ANO7: variants seen among roughly 807,000 people sequenced by gnomAD.
ANO7 encodes anoctamin 7.
ANO7 carries 114 observed loss-of-function variants against 115.8 expected under a neutral mutation model. The observed-to-expected ratio is 0.98, with a 90% CI of 0.85 to 1.15. The LOEUF (loss-of-function observed/expected upper bound fraction) is 1.15, where lower values mean the gene tolerates loss of function less well. Among genes scored for constraint, ANO7 ranks in the 50% most tolerant of loss-of-function variants. ANO7 has a pLI of 0.00. For synonymous variants in ANO7, 550 were observed against 498.2 expected (o/e 1.10, Z -1.38); for missense variants, 1,302 against 1,201.2 (o/e 1.08, Z -1.24).
At chr2:241,234,700 T>TG in the ANO7 span, among the ~76,000 whole-genome samples, 25 of 152,250 alleles carry the variant, frequency 1.6e-4, no homozygotes, top group South Asian at 4.4e-3. Context: ...TGCCAGAGGT[T>TG]GGGGGGGTTT....
chr2:241,198,626 C>T (rs562423262), intron 4 of ANO7, among the ~76,000 whole-genome samples: 19 of 152,340 alleles, frequency 1.2e-4, no homozygotes, highest in East Asian at 9.7e-4. Flanking sequence ...TGTTCCACTT[C>T]GCCCAAGGTG....
At chr2:241,214,385 C>T (rs1306960385) in intron 17 of ANO7, among the ~76,000 whole-genome samples, 2 of 152,148 alleles carry the variant, frequency 1.3e-5, no homozygotes, top group Non-Finnish European at 2.9e-5. Context: ...GCAGTGCGGC[C>T]GACACTCTCG....
Position 241,223,976 on chromosome 2 carries a change from GC to G in ANO7, c.2583+25del, listed in dbSNP as rs1240499314. On this transcript the variant is annotated intron_variant, in intron 24 of 24. Transcript: ENST00000674324. ...CAGAGGCAAGTCTGGGAGCAGCCAGGCCCCTGCCCCGTGCACTCCCTGAGGT... is the reference window on the plus strand; with the variant it reads ...CAGAGGCAAGTCTGGGAGCAGCCAGGCCCTGCCCCGTGCACTCCCTGAGGT... The G allele has an allele frequency of 1.9e-6, 3 of 1,613,884 alleles. No individual in the cohort carries two copies. The African/African-American group carries it at 4.0e-5, about 22-fold the overall frequency.
chr2:241,223,416 C>A, intron 22 of ANO7, 140 bp downstream of exon 22: 1 of 1,114,296 alleles, frequency 9.0e-7, no homozygotes, highest in South Asian at 1.3e-5. Context: ...CTCTTCTCTG[C>A]ACCTGCGTTT....
chr2:241,222,949 G>C (rs926653607), intron 21 of ANO7, among the ~76,000 whole-genome samples: 1 of 152,170 alleles, frequency 6.6e-6, no homozygotes, highest in Non-Finnish European at 1.5e-5. Flanking sequence ...GTCCAGTTTA[G>C]CCCAATGGGG....
intron 19 of ANO7, among the ~76,000 whole-genome samples, chr2:241,216,711 A>C (rs2068836980): frequency 6.6e-6 from 1 of 152,254 alleles, no homozygotes; most frequent in Non-Finnish European, 1.5e-5. Flanking sequence ...CCAGGGGCTC[A>C]CTGCCTGCAC....
At chr2:241,200,310 C>T (rs2068439707) in intron 6 of ANO7, 85 bp downstream of exon 6, 2 of 1,518,108 alleles carry the variant, frequency 1.3e-6, no homozygotes, top group African/African-American at 1.4e-5. Context: ...GGTGCTTCCC[C>T]AGGACTCTCC....
At chr2:241,240,139 C>T in the ANO7 span, 2 of 1,613,002 alleles carry the variant, frequency 1.2e-6, no homozygotes, top group Non-Finnish European at 1.7e-6. The surrounding 1 kb of genome is among the most constrained non-coding windows in gnomAD (Gnocchi z 5.5). Context: ...AAACCAATCC[C>T]ACTGTGTTAG....
At chr2:241,190,201 C>T in intron 2 of ANO7, 30 bp downstream of exon 2, 1 of 1,530,886 alleles carries the variant, frequency 6.5e-7, no homozygotes, top group Middle Eastern at 1.7e-4. Flanking sequence ...TGTGGTGCGA[C>T]TTGAGAGGTC....
intron 7 of ANO7, 140 bp from the exon 8 acceptor site, chr2:241,202,054 C>A: frequency 3.0e-6 from 2 of 672,258 alleles, no homozygotes; most frequent in Non-Finnish European, 5.2e-6. Flanking sequence ...AAGTCCCAAG[C>A]CTTTCCATCA....
At chr2:241,219,747 T>C (rs1211675641) in intron 21 of ANO7, among the ~76,000 whole-genome samples, 3 of 150,840 alleles carry the variant, frequency 2.0e-5, no homozygotes, top group Non-Finnish European at 3.0e-5. Context: ...TTTTTTTTTT[T>C]TTTCTTTAAA....
In ANO7 at chr2:241,203,186, T is replaced by C; in HGVS notation, c.724-147T>C. 2.5e-6 allele frequency: 1 copy of C among 407,694 alleles called. No individual in the cohort carries two copies. 25.3% of individuals were successfully genotyped at this position (407,694 alleles called of 1,614,324 possible). On this transcript the variant is annotated intron_variant, in intron 8 of 24. Coordinates refer to ENST00000674324, the MANE Select transcript of ANO7 (RefSeq NM_001370694.2). The surrounding 1 kb of genome is among the most constrained non-coding windows in gnomAD (Gnocchi z 4.8). ...TCCCGGACCACCCTGTACCCACCCC[T>C]CCACATTACTCTATTTTTTCTTCAT...
chr2:241,230,782 G>A (rs769840070), downstream of ANO7: 5 of 1,614,068 alleles, frequency 3.1e-6, no homozygotes, highest in Middle Eastern at 1.6e-4. This position sits in a 1 kb window ranked among gnomAD's most constrained non-coding sequence, Gnocchi z 5.0. Context: ...ATGATTTTGC[G>A]AATGGCTTTG....
intron 6 of ANO7, among the ~76,000 whole-genome samples, chr2:241,200,605 T>C (rs922100559): frequency 2.6e-5 from 4 of 152,196 alleles, no homozygotes; most frequent in Admixed American, 2.0e-4. Flanking sequence ...AGGGACACGT[T>C]TGGCCCATGC....
At chr2:241,226,483 G>A (rs1264000862), downstream of ANO7, among the ~76,000 whole-genome samples, 2 of 151,812 alleles carry the variant, frequency 1.3e-5, no homozygotes, top group African/African-American at 4.8e-5. Context: ...GGAGTGCAGT[G>A]GTACGATCTC....
chr2:241,207,529 C>T (rs751157424), intron 10 of ANO7, 45 bp from the exon 11 acceptor site: 13 of 1,552,238 alleles, frequency 8.4e-6, no homozygotes, highest in South Asian at 1.1e-5. Context: ...AGCAAGCAGC[C>T]CCCCTCCCCC....
intron 2 of ANO7, among the ~76,000 whole-genome samples, chr2:241,190,758 A>C (rs2074835): frequency 6.6e-6 from 1 of 151,914 alleles, no homozygotes; most frequent in African/African-American, 2.4e-5. Context: ...CTCTCACCTC[A>C]AGCATCCAGA....
Position 241,223,720 on chromosome 2 carries a change from C to T in ANO7, c.2471C>T (p.Ser824Phe). 1 of 1,614,164 alleles carries T rather than the reference C, an allele frequency of 6.2e-7. No homozygotes were observed. Among genetic ancestry groups the T allele is most frequent in the Non-Finnish European group, 8.5e-7 (1 of 1,180,028 alleles). Residue 824 changes from serine to phenylalanine, a missense_variant, in exon 23 of 25, where the codon TCT (serine) becomes TTT (phenylalanine). By Grantham distance (155) the Ser-to-Phe change is radical. Transcript: ENST00000674324. ...LDLLVPDIPE[S>F]VEIKVKREYY... ...CTCCTGGTGCCTGACATCCCAGAGTCTGTGGAGATCAAAGTGAAGCGGGAG... is the reference window on the plus strand; with the variant it reads ...CTCCTGGTGCCTGACATCCCAGAGTTTGTGGAGATCAAAGTGAAGCGGGAG...
rs151045440 is a variant in ANO7, at chr2:241,223,743, G to T, written c.2494G>T (p.Glu832Ter). ...GTCTGTGGAGATCAAAGTGAAGCGG[G>T]AGTACTACCTGGCTAAGCAGGCACT... ...PESVEIKVKR[E>*]YYLAKQALAE... is the part of the protein sequence containing the mutation. The change falls in exon 23 of 25, where the codon GAG (glutamate) becomes TAG (stop). Residue 832 changes from glutamate to a stop codon, truncating the protein, a stop_gained. Transcript: ENST00000674324. LOFTEE classifies it high-confidence loss of function. 101 of 1,614,184 alleles carry T rather than the reference G, an allele frequency of 6.3e-5. No individual in the cohort carries two copies. The African/African-American group carries it at 1.3e-3, about 21-fold the overall frequency.
Sources: gnomAD v4.1 joint callset for allele counts (sites outside exome capture counted in the v4.1 genomes callset) on GRCh38, gnomAD v4.1.1 for gene constraint, Gnocchi (gnomAD v3.1) non-coding constraint, MANE v1.5 for transcripts, NCBI Gene and HGNC (gene_info 2026-07-23, HGNC 2026-07-21) for gene names.